CGGBP1: variants seen among roughly 807,000 people sequenced by gnomAD.
The protein encoded by CGGBP1 is CGG triplet repeat-binding protein 1.
In CGGBP1, 4 loss-of-function variants were observed where a neutral mutation model predicts 11.4. The ratio of observed to expected loss-of-function variants is 0.35; its 90% CI spans 0.17 to 0.80. The LOEUF (loss-of-function observed/expected upper bound fraction) is 0.80. CGGBP1 is among the 30% of genes least tolerant of loss of function. CGGBP1 has a pLI of 0.52. For synonymous variants in CGGBP1, 76 were observed against 74.1 expected, an observed-to-expected ratio of 1.03 and a Z score of -0.13; for missense variants, 135 against 202.1, an observed-to-expected ratio of 0.67 and a Z score of 2.01.
At position 88,087,733 on chromosome 3, in the gene CGGBP1, GTAT is replaced by G. The variant is rs1708412030; in HGVS notation, c.-228-29513_-228-29511del. ...TATCAGAGTATGTCTCATAGGATAA[GTAT>G]TATTATGTGAAACATTTATTTAGGG... On this transcript the variant is annotated intron_variant, in intron 2 of 3. Transcript: ENST00000462901. Among the ~76,000 whole-genome samples, 8 of 152,272 alleles carry G rather than the reference GTAT, an allele frequency of 5.3e-5. No individual in the cohort carries two copies. In the South Asian group the frequency reaches 1.7e-3, roughly 32 times the overall value.
chr3:88,089,729 C>G (rs2107674307), intron 2 of CGGBP1, among the ~76,000 whole-genome samples: 1 of 152,314 alleles, frequency 6.6e-6, no homozygotes, highest in Middle Eastern at 3.4e-3. Context: ...CTGCCTACTA[C>G]AGATCCCAAA....
At chr3:88,089,066 C>T (rs1183083838) in intron 2 of CGGBP1, among the ~76,000 whole-genome samples, 5 of 151,388 alleles carry the variant, frequency 3.3e-5, no homozygotes, top group Non-Finnish European at 5.9e-5. Flanking sequence ...AGCTACCACG[C>T]CTGACCTAAA....
intron 2 of CGGBP1, among the ~76,000 whole-genome samples, chr3:88,069,845 G>A (rs1310145782): frequency 6.6e-6 from 1 of 152,186 alleles, no homozygotes; most frequent in Non-Finnish European, 1.5e-5. Context: ...TTGAAAGCAG[G>A]AGAGTATGGG....
intron 2 of CGGBP1, among the ~76,000 whole-genome samples, chr3:88,099,488 T>C (rs1704271082): frequency 6.6e-6 from 1 of 152,144 alleles, no homozygotes; most frequent in Non-Finnish European, 1.5e-5. Context: ...TTAAAGCTCA[T>C]ACGGAACCAA....
intron 2 of CGGBP1, among the ~76,000 whole-genome samples, chr3:88,124,460 T>C (rs1449405718): frequency 2.6e-5 from 4 of 152,220 alleles, no homozygotes; most frequent in African/African-American, 9.6e-5. Flanking sequence ...CTTCTACTAC[T>C]TTCTTCTCTC....
chr3:88,072,473 T>C (rs1707567874), intron 2 of CGGBP1, among the ~76,000 whole-genome samples: 1 of 152,192 alleles, frequency 6.6e-6, no homozygotes, highest in Non-Finnish European at 1.5e-5. Context: ...TACTATACAC[T>C]CACCAACACT....
chr3:88,113,275 GT>G (rs1473887973), intron 2 of CGGBP1: 2 of 826,718 alleles, frequency 2.4e-6, no homozygotes, highest in Non-Finnish European at 3.7e-6. Flanking sequence ...TAGCTTATTG[GT>G]TATTATTGCT....
intron 2 of CGGBP1, among the ~76,000 whole-genome samples, chr3:88,068,575 A>G (rs1250100336): frequency 6.6e-6 from 1 of 152,144 alleles, no homozygotes; most frequent in East Asian, 1.9e-4. Flanking sequence ...TACTCTTCCC[A>G]GTGATTTGAT....
At chr3:88,144,725 A>G (rs1707274176) in intron 1 of CGGBP1, 1 of 152,464 alleles carries the variant, frequency 6.6e-6, no homozygotes. Context: ...GGTATATATT[A>G]AATGAAAATG....
At chr3:88,140,003 A>G (rs1317010061) in intron 2 of CGGBP1, 11 of 1,613,708 alleles carry the variant, frequency 6.8e-6, no homozygotes, top group Non-Finnish European at 9.3e-6. Context: ...TAAATGTGCG[A>G]CAAACAGTAA....
intron 2 of CGGBP1, chr3:88,138,848 T>A: frequency 8.1e-7 from 1 of 1,232,074 alleles, no homozygotes; most frequent in Non-Finnish European, 1.0e-6. Flanking sequence ...TCCTCAGGAT[T>A]TGTGCACTCT....
intron 2 of CGGBP1, among the ~76,000 whole-genome samples, chr3:88,096,239 G>A (rs1576264805): frequency 6.6e-6 from 1 of 152,010 alleles, no homozygotes; most frequent in Non-Finnish European, 1.5e-5. Context: ...AGGAGATGGT[G>A]AACCTGAACA....
chr3:88,069,266 A>C (rs1707371766), intron 2 of CGGBP1, among the ~76,000 whole-genome samples: 2 of 152,134 alleles, frequency 1.3e-5, no homozygotes, highest in Admixed American at 1.3e-4. Context: ...TACTAAAAAT[A>C]CAAAAATTAG....
chr3:88,126,917 A>T (rs749041306), intron 2 of CGGBP1, among the ~76,000 whole-genome samples: 6 of 151,990 alleles, frequency 3.9e-5, no homozygotes, highest in Non-Finnish European at 5.9e-5. Flanking sequence ...CTTTGATATC[A>T]CCTCCTGTCC....
At position 88,083,539 on chromosome 3, in the gene CGGBP1, T is replaced by C. The variant is rs577047747; in HGVS notation, c.-228-25316A>G. ...GCGTGCTTCTGGCCTTGGCTATTGC[T>C]TCTGTCATCAGTGTTCCTATAATTT... is the stretch of plus-strand genomic sequence containing the variant. On this transcript the variant is annotated intron_variant, in intron 2 of 3. Coordinates refer to the CGGBP1 transcript ENST00000462901. 1.9e-4 allele frequency among the ~76,000 whole-genome samples: 29 copies of C among 152,328 alleles called. No homozygotes were observed. In the East Asian group the frequency reaches 5.2e-3, roughly 27 times the overall value.
intron 2 of CGGBP1, among the ~76,000 whole-genome samples, chr3:88,068,827 G>A (rs982567063): frequency 1.3e-5 from 2 of 152,094 alleles, no homozygotes; most frequent in Admixed American, 6.5e-5. Flanking sequence ...CCTGTACCTA[G>A]TATGTGATAA....
chr3:88,069,171 C>G (rs1469177759), intron 2 of CGGBP1, among the ~76,000 whole-genome samples: 1 of 152,108 alleles, frequency 6.6e-6, no homozygotes, highest in Admixed American at 6.6e-5. Context: ...CCTGTAATCC[C>G]AGTACTTTGG....
chr3:88,143,838 A>G (rs925238548), intron 1 of CGGBP1: 1 of 151,940 alleles, frequency 6.6e-6, no homozygotes, highest in Non-Finnish European at 1.5e-5. Context: ...CGGTTTATAT[A>G]CTTCTCAAAT....
intron 2 of CGGBP1, among the ~76,000 whole-genome samples, chr3:88,065,474 A>G (rs1251885292): frequency 6.6e-6 from 1 of 152,192 alleles, no homozygotes; most frequent in Non-Finnish European, 1.5e-5. Flanking sequence ...AAGAATATTT[A>G]TTCATACGAG....
Sources: allele counts gnomAD v4.1 joint callset (sites outside exome capture counted in the v4.1 genomes callset), GRCh38; gene constraint gnomAD v4.1.1; transcripts MANE v1.5; gene names NCBI Gene and HGNC (gene_info 2026-07-23, HGNC 2026-07-21).